The following ZBED6 variants were observed in gnomAD, a reference collection of about 807,000 sequenced individuals.
ZBED6 encodes zinc finger BED-type containing 6.
In ZBED6, 40 loss-of-function variants were observed where a neutral mutation model predicts 58.4. The ratio of observed to expected loss-of-function variants is 0.68; its 90% CI spans 0.53 to 0.89. ZBED6 has a LOEUF of 0.89. Ranked by LOEUF, ZBED6 falls within the 40% of genes least tolerant of loss-of-function variation. The pLI is 0.00. For missense variants in ZBED6, 1,057 were observed against 1,003.9 expected (o/e 1.05, Z -0.71); for synonymous variants, 439 against 350.6 (o/e 1.25, Z -2.82).
At chr1:203,838,662 A>G (rs2103185857) in intron 10 of ZBED6, among the ~76,000 whole-genome samples, 2 of 152,336 alleles carry the variant, frequency 1.3e-5, no homozygotes, top group East Asian at 3.9e-4. Context: ...TTGAAAGGTT[A>G]TAAACAGGCC....
intron 3 of ZBED6, among the ~76,000 whole-genome samples, chr1:203,826,849 A>G (rs1362067814): frequency 6.6e-6 from 1 of 152,174 alleles, no homozygotes; most frequent in African/African-American, 2.4e-5. Context: ...AGAAAAGTGC[A>G]AAATCGTAAT....
chr1:203,821,951 G>A (rs1246914794), intron 3 of ZBED6, among the ~76,000 whole-genome samples: 2 of 152,048 alleles, frequency 1.3e-5, no homozygotes, highest in African/African-American at 4.8e-5. Context: ...TAGAGATGGG[G>A]TTTCACCGTG....
At chr1:203,849,660 A>G in intron 13 of ZBED6, 51 bp from the exon 14 acceptor site, 4 of 1,539,922 alleles carry the variant, frequency 2.6e-6, no homozygotes, top group Non-Finnish European at 3.6e-6. Context: ...TACATCATAC[A>G]GGTTATTAGA....
intron 11 of ZBED6, among the ~76,000 whole-genome samples, chr1:203,846,153 AT>A (rs548563871): frequency 8.1e-6 from 1 of 123,478 alleles, no homozygotes; most frequent in African/African-American, 2.9e-5. Context: ...AAAAGATATA[AT>A]TTTTTTGGGG....
exon 1 of ZBED6, chr1:203,799,406 G>A: frequency 1.4e-6 from 1 of 703,164 alleles, no homozygotes; most frequent in Non-Finnish European, 2.6e-6. Context: ...TACTGCAAGA[G>A]TTCCAAAATG....
exon 1 of ZBED6, chr1:203,799,417 A>T (rs1281517161): frequency 1.4e-6 from 1 of 703,004 alleles, no homozygotes; most frequent in Non-Finnish European, 2.6e-6. Context: ...TTCCAAAATG[A>T]TCACCAACTT....
At chr1:203,808,985 C>T (rs1356694375) in intron 1 of ZBED6, among the ~76,000 whole-genome samples, 1 of 151,866 alleles carries the variant, frequency 6.6e-6, no homozygotes, top group African/African-American at 2.4e-5. Flanking sequence ...CATTCGCCAC[C>T]ACGCCCAGCT....
At chr1:203,830,237 T>C (rs372337433) in intron 7 of ZBED6, 34 bp downstream of exon 7, 5 of 1,520,214 alleles carry the variant, frequency 3.3e-6, no homozygotes, top group Non-Finnish European at 3.6e-6. Flanking sequence ...GATAGTTGTA[T>C]GTTGCTAGGG....
exon 1 of ZBED6, chr1:203,798,875 C>T (rs750464914): frequency 1.5e-5 from 23 of 1,535,950 alleles, no homozygotes; most frequent in Non-Finnish European, 1.9e-5. Context: ...CAGAGACTTA[C>T]TTTTTCACTA....
intron 11 of ZBED6, among the ~76,000 whole-genome samples, chr1:203,841,479 T>G (rs1686186288): frequency 6.6e-6 from 1 of 152,204 alleles, no homozygotes; most frequent in Admixed American, 6.5e-5. Flanking sequence ...GGAGTAAAGT[T>G]ATAGATTAAC....
intron 1 of ZBED6, among the ~76,000 whole-genome samples, chr1:203,812,842 A>G (rs1168169101): frequency 2.0e-5 from 3 of 152,086 alleles, no homozygotes; most frequent in Admixed American, 6.6e-5. Context: ...TCGGCCTCCC[A>G]AAGTGCTGGG....
At chr1:203,829,410 T>C in intron 4 of ZBED6, 41 bp from the exon 5 acceptor site, 2 of 1,609,284 alleles carry the variant, frequency 1.2e-6, no homozygotes, top group Non-Finnish European at 1.7e-6. Flanking sequence ...GTTGGGGTTG[T>C]ATCTTCTGTT....
At chr1:203,797,777 T>C (rs1456123710) in exon 1 of ZBED6, 1 of 1,535,996 alleles carries the variant, frequency 6.5e-7, no homozygotes, top group Non-Finnish European at 8.7e-7. Flanking sequence ...CCAAAAAGTT[T>C]AGTAAGGATT....
intron 3 of ZBED6, among the ~76,000 whole-genome samples, chr1:203,823,684 T>G (rs1202961560): frequency 4.6e-5 from 7 of 152,250 alleles, no homozygotes; most frequent in African/African-American, 9.6e-5. Context: ...CACTGAGGCT[T>G]ATTGGCTGTA....
intron 9 of ZBED6, among the ~76,000 whole-genome samples, chr1:203,836,409 G>T (rs931739261): frequency 6.6e-6 from 1 of 152,054 alleles, no homozygotes; most frequent in Non-Finnish European, 1.5e-5. Context: ...CTAAAAAACC[G>T]TTTTTAAAAA....
chr1:203,846,274 C>A (rs1687892309), intron 11 of ZBED6, among the ~76,000 whole-genome samples: 1 of 151,606 alleles, frequency 6.6e-6, no homozygotes, highest in Non-Finnish European at 1.5e-5. Flanking sequence ...TTTTCTTAGC[C>A]CTTCAGTAAT....
chr1:203,817,530 CTTCT>C (rs148465191), intron 2 of ZBED6, among the ~76,000 whole-genome samples: 26,630 of 151,848 alleles, frequency 0.18, 2,594 homozygotes, highest in Middle Eastern at 0.26. Context: ...TTGAATTTGA[CTTCT>C]TTCTTCTCCC....
At chr1:203,819,579 G>T (rs567352916) in intron 3 of ZBED6, among the ~76,000 whole-genome samples, 3 of 114,298 alleles carry the variant, frequency 2.6e-5, no homozygotes, top group South Asian at 5.4e-4. Context: ...TTGTTGCCCA[G>T]GCTGGAGTGT....
intron 14 of ZBED6, 176 bp from the exon 15 acceptor site, chr1:203,850,339 C>T: frequency 1.1e-6 from 1 of 894,056 alleles, no homozygotes. Flanking sequence ...ATGGTGACCA[C>T]CTGTAGTGAC....
Sources: allele counts gnomAD v4.1 joint callset (sites outside exome capture counted in the v4.1 genomes callset), GRCh38; gene constraint gnomAD v4.1.1; transcripts MANE v1.5; gene names NCBI Gene and HGNC (gene_info 2026-07-23, HGNC 2026-07-21).